Variants in CTNNA3 observed in about 807,000 individuals in gnomAD.
CTNNA3 encodes catenin alpha 3.
In CTNNA3, 76 loss-of-function variants were observed where a neutral mutation model predicts 95.7. The ratio of observed to expected loss-of-function variants is 0.79; its 90% CI spans 0.66 to 0.96. The LOEUF (loss-of-function observed/expected upper bound fraction) is 0.96, where lower values mean the gene tolerates loss of function less well. Ranked by LOEUF, CTNNA3 falls within the 40% of genes least tolerant of loss-of-function variation. CTNNA3 has a pLI of 0.00. For synonymous variants in CTNNA3, 431 were observed against 374.4 expected (o/e 1.15, Z -1.74); for missense variants, 1,191 against 1,089.8 (o/e 1.09, Z -1.31).
At chr10:67,328,046 G>C (rs937990255) in intron 5 of CTNNA3, among the ~76,000 whole-genome samples, 2 of 152,148 alleles carry the variant, frequency 1.3e-5, no homozygotes, top group African/African-American at 4.8e-5. Context: ...CCAAGACTCT[G>C]TCTGCAACAG....
chr10:67,584,725 G>T (rs893994637), intron 3 of CTNNA3, among the ~76,000 whole-genome samples: 1 of 152,208 alleles, frequency 6.6e-6, no homozygotes, highest in Non-Finnish European at 1.5e-5. Flanking sequence ...CCCAGTTCAA[G>T]TTTCCTAGCC....
intron 12 of CTNNA3, among the ~76,000 whole-genome samples, chr10:66,284,886 T>G (rs944115631): frequency 1.3e-5 from 2 of 151,928 alleles, no homozygotes; most frequent in African/African-American, 4.8e-5. Flanking sequence ...GAAAGTGGCA[T>G]TAAGCATATA....
intron 15 of CTNNA3, among the ~76,000 whole-genome samples, chr10:66,061,034 C>T (rs1942003): frequency 0.17 from 26,061 of 151,992 alleles, 2,494 homozygotes; most frequent in South Asian, 0.35. Flanking sequence ...CTAGAAAATA[C>T]CAGAAGATGT....
intron 1 of CTNNA3, among the ~76,000 whole-genome samples, chr10:67,675,703 G>A (rs773175107): frequency 4.0e-4 from 61 of 152,220 alleles, no homozygotes; most frequent in Admixed American, 8.5e-4. Context: ...CTAGCAGGAG[G>A]AATTGCAAAG....
chr10:67,448,213 G>T (rs1372251396), intron 5 of CTNNA3, among the ~76,000 whole-genome samples: 3 of 152,126 alleles, frequency 2.0e-5, no homozygotes, highest in Non-Finnish European at 4.4e-5. Flanking sequence ...AAAGGGACTG[G>T]TTTTTAATAA....
At chr10:67,632,662 G>A (rs553317341) in intron 2 of CTNNA3, among the ~76,000 whole-genome samples, 1 of 152,078 alleles carries the variant, frequency 6.6e-6, no homozygotes, top group African/African-American at 2.4e-5. Context: ...CTTTTCCCAC[G>A]GATCTTTGTA....
intron 2 of CTNNA3, among the ~76,000 whole-genome samples, chr10:67,618,799 G>A (rs1046009827): frequency 6.6e-6 from 1 of 152,190 alleles, no homozygotes. Context: ...TGATTAGGCT[G>A]TATCCACCTC....
chr10:66,332,691 T>G (rs2092345538), intron 12 of CTNNA3, among the ~76,000 whole-genome samples: 1 of 152,118 alleles, frequency 6.6e-6, no homozygotes, highest in African/African-American at 2.4e-5. Context: ...AAATTCTCTT[T>G]TTTTGTAGTG....
At chr10:67,442,896 T>A (rs1276592701) in intron 5 of CTNNA3, among the ~76,000 whole-genome samples, 2 of 150,662 alleles carry the variant, frequency 1.3e-5, no homozygotes, top group Admixed American at 6.6e-5. Flanking sequence ...CTGCACCCAT[T>A]AACTTGTCAT....
chr10:67,712,671 A>G (rs1428661598), intron 1 of CTNNA3, among the ~76,000 whole-genome samples: 1 of 152,246 alleles, frequency 6.6e-6, no homozygotes, highest in Non-Finnish European at 1.5e-5. Flanking sequence ...CCTGACAAAA[A>G]CAAGCAATGG....
At chr10:66,937,575 A>C (rs559569327) in intron 7 of CTNNA3, among the ~76,000 whole-genome samples, 1 of 152,270 alleles carries the variant, frequency 6.6e-6, no homozygotes, top group Non-Finnish European at 1.5e-5. Flanking sequence ...CTAAATTTCC[A>C]TAAGCTCAAG....
At chr10:66,999,870 A>T (rs377376025) in intron 7 of CTNNA3, among the ~76,000 whole-genome samples, 1 of 152,182 alleles carries the variant, frequency 6.6e-6, no homozygotes, top group Admixed American at 6.5e-5. Context: ...AATAACAGCA[A>T]TGTATTCAGA....
intron 5 of CTNNA3, among the ~76,000 whole-genome samples, chr10:67,240,553 T>G (rs879809268): frequency 3.9e-5 from 6 of 152,190 alleles, no homozygotes; most frequent in Non-Finnish European, 8.8e-5. Context: ...GAGAGGCCTT[T>G]ACTACTTTTC....
chr10:66,442,534 T>A (rs1204609644), intron 11 of CTNNA3, among the ~76,000 whole-genome samples: 1 of 152,186 alleles, frequency 6.6e-6, no homozygotes, highest in Admixed American at 6.5e-5. Context: ...ATAAAACAGA[T>A]TCACTTATAT....
chr10:66,186,285 T>A (rs896277678), intron 13 of CTNNA3, among the ~76,000 whole-genome samples: 1 of 148,996 alleles, frequency 6.7e-6, no homozygotes, highest in Non-Finnish European at 1.5e-5. Flanking sequence ...AATGTGAGTG[T>A]GTGTGTGTGT....
chr10:66,677,960 A>G (rs965768634), intron 9 of CTNNA3, among the ~76,000 whole-genome samples: 4 of 152,104 alleles, frequency 2.6e-5, no homozygotes, highest in African/African-American at 9.7e-5. Context: ...AAAACTTTCT[A>G]TGTAAAAAAC....
chr10:67,753,640 C>CA (rs1315147638), intron 1 of CTNNA3, among the ~76,000 whole-genome samples: 1 of 152,056 alleles, frequency 6.6e-6, no homozygotes, highest in African/African-American at 2.4e-5. Context: ...AAAACCCCAT[C>CA]AAAAAGTAGG....
intron 10 of CTNNA3, among the ~76,000 whole-genome samples, chr10:66,586,048 G>C (rs1486153379): frequency 6.6e-6 from 1 of 152,108 alleles, no homozygotes; most frequent in Non-Finnish European, 1.5e-5. Flanking sequence ...CTTGGTTATA[G>C]AGAATCATTG....
At chr10:66,443,580 C>T (rs951619146) in intron 11 of CTNNA3, among the ~76,000 whole-genome samples, 6 of 152,318 alleles carry the variant, frequency 3.9e-5, no homozygotes, top group Non-Finnish European at 7.3e-5. Flanking sequence ...GAGTGGACCT[C>T]TAGCAAACTC....
Sources: gnomAD v4.1 joint callset for allele counts (sites outside exome capture counted in the v4.1 genomes callset) on GRCh38, gnomAD v4.1.1 for gene constraint, MANE v1.5 for transcripts, NCBI Gene and HGNC (gene_info 2026-07-23, HGNC 2026-07-21) for gene names.